FNBP1: variants seen among roughly 807,000 people sequenced by gnomAD.
The protein encoded by FNBP1 is formin-binding protein 1.
FNBP1 carries 26 observed loss-of-function variants against 90.6 expected under a neutral mutation model. The ratio of observed to expected loss-of-function variants is 0.29; its 90% CI spans 0.21 to 0.40. FNBP1 has a LOEUF of 0.40. FNBP1 is among the 10% of genes least tolerant of loss of function. The pLI, the probability that FNBP1 is intolerant of heterozygous loss-of-function variation, is 1.00. For missense variants in FNBP1, 635 were observed against 768.0 expected, an observed-to-expected ratio of 0.83 and a Z score of 2.05; for synonymous variants, 260 against 265.2, an observed-to-expected ratio of 0.98 and a Z score of 0.19.
chr9:130,008,278 A>T (rs2056090043), intron 1 of FNBP1, among the ~76,000 whole-genome samples: 1 of 151,676 alleles, frequency 6.6e-6, no homozygotes, highest in Admixed American at 6.6e-5. Context: ...GGGCCTGGGG[A>T]GGTCGAGGCT....
At chr9:129,896,057 G>A in intron 15 of FNBP1, 61 bp from the exon 16 acceptor site, 1 of 1,503,586 alleles carries the variant, frequency 6.7e-7, no homozygotes, top group East Asian at 2.3e-5. Flanking sequence ...GAAGCAAACA[G>A]TGGCCTTCGC....
rs768130616 is a variant in FNBP1, at chr9:129,900,495, C to T, written c.1481G>A (p.Arg494His). 1.6e-5 allele frequency: 26 copies of T among 1,599,162 alleles called. No homozygotes were observed. The highest frequency in any genetic ancestry group is 5.4e-5 in the African/African-American group (4 of 74,264). ...GRLPARSEQA[R>H]RQSGLYDSQN... ...GCTGTCGTACAGTCCGCTCTGCCGG[C>T]GCGCCTGCTCGCTGCGTGCTGGGAG... The change falls in exon 14 of 17, where the codon CGC becomes CAC. Residue 494 changes from arginine to histidine, a missense_variant. Coordinates refer to ENST00000446176, the MANE Select transcript of FNBP1 (RefSeq NM_015033.3). The surrounding 1 kb of genome is among the most constrained non-coding windows in gnomAD (Gnocchi z 4.1).
chr9:129,973,524 G>A (rs2049815566), intron 4 of FNBP1, among the ~76,000 whole-genome samples: 7 of 152,062 alleles, frequency 4.6e-5, no homozygotes, highest in African/African-American at 2.4e-5. Context: ...TTTTTGAGAC[G>A]GAGTCTCACT....
chr9:129,899,768 A>AAGGGAAGGG (rs1288178261), intron 15 of FNBP1, among the ~76,000 whole-genome samples, 197 bp downstream of exon 15: 85 of 133,768 alleles, frequency 6.4e-4, no homozygotes, highest in African/African-American at 2.2e-3. Flanking sequence ...GAAGGGAAGG[A>AAGGGAAGGG]AGGGAAGGGA....
intron 1 of FNBP1, among the ~76,000 whole-genome samples, chr9:130,030,183 C>T (rs2058680141): frequency 6.6e-6 from 1 of 151,950 alleles, no homozygotes; most frequent in Non-Finnish European, 1.5e-5. Flanking sequence ...GCCTGTAATC[C>T]CAGCACTTTG....
At chr9:130,001,424 C>T (rs2054834638) in intron 1 of FNBP1, among the ~76,000 whole-genome samples, 1 of 152,046 alleles carries the variant, frequency 6.6e-6, no homozygotes, top group Non-Finnish European at 1.5e-5. Context: ...TCAGCTTTAC[C>T]CACCATTTCC....
At chr9:130,046,635 A>G (rs6478940), upstream of FNBP1, among the ~76,000 whole-genome samples, 138,955 of 145,956 alleles carry the variant, frequency 0.95, 66,385 homozygotes, top group East Asian at 1. Flanking sequence ...CAGTGTGGTC[A>G]TGGGTGCCTG....
chr9:129,958,985 CA>C (rs60640596), intron 4 of FNBP1, among the ~76,000 whole-genome samples: 804 of 9,128 alleles, frequency 0.088, 18 homozygotes, highest in Middle Eastern at 0.25. Flanking sequence ...AACTCTGCCT[CA>C]AAAAAAAAAA....
At chr9:130,007,585 T>C (rs1333089269) in intron 1 of FNBP1, among the ~76,000 whole-genome samples, 3 of 152,190 alleles carry the variant, frequency 2.0e-5, no homozygotes, top group Admixed American at 1.3e-4. Context: ...AATAAACTTC[T>C]AGCCTATTTT....
In FNBP1 at chr9:130,036,901, C is replaced by T. The variant is rs891399960; in HGVS notation, c.24+6051G>A. Among the ~76,000 whole-genome samples the T allele has an allele frequency of 3.3e-5, 5 of 151,884 alleles. No homozygotes were observed. In the East Asian group the frequency reaches 5.8e-4, roughly 18 times the overall value. Reference sequence around the variant, plus strand: ...TCTACTAAAAATACAAAAAATTAGCCGGGCGCGGTGGCAGGCGCCTGTAGT... The same window carrying T: ...TCTACTAAAAATACAAAAAATTAGCTGGGCGCGGTGGCAGGCGCCTGTAGT... On this transcript the variant is annotated intron_variant, in intron 1 of 16. Transcript: ENST00000446176.
chr9:130,026,722 G>A (rs937750287), intron 1 of FNBP1, among the ~76,000 whole-genome samples: 6 of 152,056 alleles, frequency 3.9e-5, no homozygotes, highest in African/African-American at 1.4e-4. Context: ...GGAGGCCAAG[G>A]CGGGTGGATC....
chr9:129,919,303 A>G (rs1479076967), intron 10 of FNBP1: 4 of 838,772 alleles, frequency 4.8e-6, no homozygotes, highest in Non-Finnish European at 6.9e-6. Context: ...AGACTTTAAC[A>G]TATGACAAAC....
intron 1 of FNBP1, among the ~76,000 whole-genome samples, chr9:129,997,352 A>G (rs1022050862): frequency 6.6e-6 from 1 of 152,134 alleles, no homozygotes; most frequent in Non-Finnish European, 1.5e-5. Flanking sequence ...AAAATTATAA[A>G]ACAAAAGTGC....
At chr9:130,001,372 G>A (rs1296780472) in intron 1 of FNBP1, among the ~76,000 whole-genome samples, 1 of 150,946 alleles carries the variant, frequency 6.6e-6, no homozygotes, top group African/African-American at 2.4e-5. Context: ...AGTTACCAGT[G>A]CAATTTGGAG....
intron 6 of FNBP1, among the ~76,000 whole-genome samples, chr9:129,933,379 G>A (rs527377241): frequency 6.6e-6 from 1 of 152,156 alleles, no homozygotes; most frequent in Non-Finnish European, 1.5e-5. Context: ...GCACCATTTG[G>A]TTGGAAGTGG....
At chr9:129,989,164 A>G (rs1446319792) in intron 2 of FNBP1, among the ~76,000 whole-genome samples, 1 of 152,148 alleles carries the variant, frequency 6.6e-6, no homozygotes, top group Non-Finnish European at 1.5e-5. Context: ...AACCACCCCC[A>G]CTTCAATCTC....
intron 2 of FNBP1, among the ~76,000 whole-genome samples, chr9:129,989,524 C>T (rs1176303098): frequency 5.9e-5 from 9 of 152,184 alleles, no homozygotes; most frequent in African/African-American, 2.2e-4. Flanking sequence ...CACTGTTCTG[C>T]ACTATGACAC....
At chr9:129,955,241 CT>C (rs200629997) in intron 6 of FNBP1, among the ~76,000 whole-genome samples, 44 of 148,048 alleles carry the variant, frequency 3.0e-4, no homozygotes, top group African/African-American at 5.4e-4. Flanking sequence ...AGGCTGAGTG[CT>C]TTTTTTTTTG....
intron 4 of FNBP1, among the ~76,000 whole-genome samples, chr9:129,971,030 C>A (rs374361404): frequency 5.9e-5 from 9 of 151,796 alleles, no homozygotes; most frequent in Admixed American, 5.9e-4. Context: ...GGATTACAGG[C>A]GCACACCACC....
Sources: gnomAD v4.1 joint callset for allele counts (sites outside exome capture counted in the v4.1 genomes callset) on GRCh38, gnomAD v4.1.1 for gene constraint, Gnocchi (gnomAD v3.1) non-coding constraint, MANE v1.5 for transcripts, NCBI Gene and HGNC (gene_info 2026-07-23, HGNC 2026-07-21) for gene names.